DPP6: variants seen among roughly 807,000 people sequenced by gnomAD.
DPP6 encodes A-type potassium channel modulatory protein DPP6.
In DPP6, 69 loss-of-function variants were observed where a neutral mutation model predicts 122.6. That is an observed-to-expected ratio of 0.56 (90% CI 0.46 to 0.69). The LOEUF (loss-of-function observed/expected upper bound fraction) is 0.69. Ranked by LOEUF, DPP6 falls within the 30% of genes least tolerant of loss-of-function variation. The pLI is 0.00. For missense variants in DPP6, 928 were observed against 1,116.9 expected, an observed-to-expected ratio of 0.83 and a Z score of 2.41; for synonymous variants, 418 against 433.1, an observed-to-expected ratio of 0.97 and a Z score of 0.43.
intron 3 of DPP6, among the ~76,000 whole-genome samples, chr7:154,497,986 T>C (rs192637162): frequency 1.6e-3 from 249 of 152,248 alleles, no homozygotes; most frequent in African/African-American, 5.8e-3. Flanking sequence ...GTTGTGTCTC[T>C]ATCATGGCAA....
chr7:153,753,349 A>G, the DPP6 span, among the ~76,000 whole-genome samples: 1 of 152,248 alleles, frequency 6.6e-6, no homozygotes, highest in South Asian at 2.1e-4. Flanking sequence ...TATATATTAC[A>G]CAATATACAG....
chr7:153,998,896 A>C (rs1438737642), intron 1 of DPP6, among the ~76,000 whole-genome samples: 1 of 152,248 alleles, frequency 6.6e-6, no homozygotes, highest in African/African-American at 2.4e-5. Context: ...ATAGAGAGTC[A>C]ATTATGCCTT....
chr7:154,391,235 CTG>C (rs1455304384), intron 1 of DPP6, among the ~76,000 whole-genome samples: 3 of 152,188 alleles, frequency 2.0e-5, no homozygotes, highest in African/African-American at 7.2e-5. Flanking sequence ...TTAGAATTTG[CTG>C]TGTTTTACTC....
chr7:154,688,146 CT>C (rs1371372855), intron 7 of DPP6, among the ~76,000 whole-genome samples: 1 of 152,136 alleles, frequency 6.6e-6, no homozygotes. Flanking sequence ...TGTCCTTGGC[CT>C]TTTGCATATG....
chr7:154,727,696 AT>A, intron 7 of DPP6, 70 bp from the exon 8 acceptor site: 3 of 1,491,240 alleles, frequency 2.0e-6, no homozygotes, highest in African/African-American at 2.8e-5. Context: ...ATGATTTCAG[AT>A]TTTTTAAGAA....
intron 10 of DPP6, among the ~76,000 whole-genome samples, chr7:154,781,698 AT>A (rs1170126242): frequency 6.6e-6 from 1 of 152,144 alleles, no homozygotes; most frequent in African/African-American, 2.4e-5. Flanking sequence ...ATCTTTTAAA[AT>A]GTCCTCTCTC....
Position 153,918,582 on chromosome 7 carries a change from C to CAG in DPP6, c.51+30848_51+30849insAG, listed in dbSNP as rs1800478372. ...ACACACACAGTCTCTCTCTCTCTCT[C>CAG]TCTCTCTCTCTCTCTCTCTCTCTCT... is the stretch of plus-strand genomic sequence containing the variant. On this transcript the variant is annotated intron_variant, in intron 1 of 25. Coordinates refer to the DPP6 transcript ENST00000404039. 6.7e-3 allele frequency among the ~76,000 whole-genome samples: 246 copies of CAG among 36,990 alleles called. 1 individual carries two copies. Among genetic ancestry groups the CAG allele is most frequent in the African/African-American group, 0.021 (223 of 10,554 alleles). The allele number at this position is 36,990 out of a possible 152,430, so 24.3% of individuals were successfully genotyped here.
intron 16 of DPP6, among the ~76,000 whole-genome samples, chr7:154,817,514 G>A (rs574889290): frequency 5.7e-4 from 87 of 152,208 alleles, no homozygotes; most frequent in African/African-American, 2.0e-3. Flanking sequence ...TGTCATGAGG[G>A]TCATGAGTGA....
At chr7:153,901,741 G>C (rs1009923047) in intron 1 of DPP6, among the ~76,000 whole-genome samples, 2 of 152,206 alleles carry the variant, frequency 1.3e-5, no homozygotes, top group African/African-American at 2.4e-5. Context: ...GCAGAAATAT[G>C]AAGAATGAAG....
At chr7:154,367,110 G>T (rs966794148) in intron 1 of DPP6, among the ~76,000 whole-genome samples, 3 of 147,852 alleles carry the variant, frequency 2.0e-5, no homozygotes, top group African/African-American at 8.0e-5. Flanking sequence ...TGAGAGACAG[G>T]GACTGACAAG....
chr7:154,602,650 C>T (rs139081283), intron 5 of DPP6, among the ~76,000 whole-genome samples: 8,472 of 119,190 alleles, frequency 0.071, 2,049 homozygotes, highest in African/African-American at 0.21. Flanking sequence ...AGACTGGTCT[C>T]GAACTCCTGA....
At chr7:153,789,992 ATTAG>A in the DPP6 span, among the ~76,000 whole-genome samples, 1 of 152,126 alleles carries the variant, frequency 6.6e-6, no homozygotes, top group Non-Finnish European at 1.5e-5. Context: ...GATGGAAAAA[ATTAG>A]TTAACTACAA....
chr7:154,137,419 CAT>C (rs1315526731), intron 1 of DPP6, among the ~76,000 whole-genome samples: 2 of 151,828 alleles, frequency 1.3e-5, no homozygotes, highest in Non-Finnish European at 2.9e-5. Flanking sequence ...GAATCACAGA[CAT>C]GTGCAATCTT....
the DPP6 span, among the ~76,000 whole-genome samples, chr7:153,855,176 C>G: frequency 6.7e-6 from 1 of 149,052 alleles, no homozygotes; most frequent in Non-Finnish European, 1.5e-5. Flanking sequence ...CAGCATGGCA[C>G]ATGTATACAT....
At chr7:154,847,003 A>G (rs1014719552) in intron 16 of DPP6, among the ~76,000 whole-genome samples, 3 of 152,154 alleles carry the variant, frequency 2.0e-5, no homozygotes, top group Admixed American at 2.0e-4. Context: ...GTAGCTGAGT[A>G]ATTTCCCATT....
chr7:154,077,529 C>G (rs1039281149), intron 1 of DPP6, among the ~76,000 whole-genome samples: 1 of 152,144 alleles, frequency 6.6e-6, no homozygotes, highest in Non-Finnish European at 1.5e-5. Context: ...TGTCCAGCCC[C>G]CTGGCCTCTA....
At chr7:154,640,266 C>CAA (rs949857910) in intron 6 of DPP6, among the ~76,000 whole-genome samples, 1 of 151,786 alleles carries the variant, frequency 6.6e-6, no homozygotes, top group Non-Finnish European at 1.5e-5. Flanking sequence ...AAAACAAAAA[C>CAA]AACAATTGGG....
chr7:154,672,106 A>G (rs890912846), intron 7 of DPP6, among the ~76,000 whole-genome samples: 2 of 152,084 alleles, frequency 1.3e-5, no homozygotes, highest in Non-Finnish European at 2.9e-5. Flanking sequence ...AGTTTCCCCC[A>G]TGCTCTTCTA....
At position 154,742,152 on chromosome 7, in the gene DPP6, C is replaced by T. The variant is rs79985224; in HGVS notation, c.883+14265C>T. ...GGAGGTCCAAGACAGGGACCCTTCCCTTGAGGAACTGATACACAGTCAGTC... is the reference window on the plus strand; with the variant it reads ...GGAGGTCCAAGACAGGGACCCTTCCTTTGAGGAACTGATACACAGTCAGTC... On this transcript the variant is annotated intron_variant, in intron 8 of 25. Coordinates refer to ENST00000377770, the MANE Select transcript of DPP6 (RefSeq NM_130797.4). Among the ~76,000 whole-genome samples the T allele has an allele frequency of 9.3e-4, 142 of 152,292 alleles. 1 individual carries two copies. The highest frequency in any genetic ancestry group is 3.2e-3 in the African/African-American group (134 of 41,566).
Sources: allele counts gnomAD v4.1 joint callset (sites outside exome capture counted in the v4.1 genomes callset), GRCh38; gene constraint gnomAD v4.1.1; transcripts MANE v1.5; gene names NCBI Gene and HGNC (gene_info 2026-07-23, HGNC 2026-07-21).